The following ROBO1 variants were observed in gnomAD, a reference collection of about 807,000 sequenced individuals.
ROBO1 encodes the protein roundabout homolog 1.
A neutral mutation model predicts 195.9 loss-of-function variants in ROBO1; 149 were observed. The ratio of observed to expected loss-of-function variants is 0.76; its 90% CI spans 0.67 to 0.87. The LOEUF (loss-of-function observed/expected upper bound fraction) is 0.87, where lower values mean the gene tolerates loss of function less well. Among genes scored for constraint, ROBO1 ranks in the 40% least tolerant of loss-of-function variants. The pLI is 0.00. For missense variants in ROBO1, 1,933 were observed against 2,068.3 expected (o/e 0.93, Z 1.27); for synonymous variants, 816 against 733.2 (o/e 1.11, Z -1.82).
intron 2 of ROBO1, among the ~76,000 whole-genome samples, chr3:79,555,969 C>A (rs1942684309): frequency 6.6e-6 from 1 of 152,060 alleles, no homozygotes; most frequent in South Asian, 2.1e-4. Context: ...TGTGTTGAAG[C>A]AGATCTAAAT....
rs1217180900 is a variant in ROBO1 at position 78,629,723 on chromosome 3, A to G, written c.3626+1438T>C. ...TTCGTTTTCATTACTTGCAGATTCC[A>G]TATCTGCAAATTCGCTGACTTGGTG... On this transcript the variant is annotated intron_variant, in intron 25 of 30. Coordinates refer to ENST00000464233, the MANE Select transcript of ROBO1 (RefSeq NM_002941.4). Among the ~76,000 whole-genome samples the G allele has an allele frequency of 2.0e-5, 3 of 152,186 alleles. No homozygotes were observed. The East Asian group carries it at 5.8e-4, about 29-fold the overall frequency.
At chr3:78,750,233 C>G (rs1334492823) in intron 4 of ROBO1, among the ~76,000 whole-genome samples, 1 of 151,918 alleles carries the variant, frequency 6.6e-6, no homozygotes, top group African/African-American at 2.4e-5. Context: ...GCAGGCAGAT[C>G]ACGAGGTCAG....
intron 6 of ROBO1, 120 bp downstream of exon 6, chr3:78,717,643 T>C (rs964755771): frequency 2.1e-5 from 25 of 1,173,622 alleles, no homozygotes; most frequent in Non-Finnish European, 2.8e-5. Context: ...TCTTCTCTCC[T>C]CTTTCTACCC....
At chr3:79,603,731 G>T (rs554618865) in intron 1 of ROBO1, among the ~76,000 whole-genome samples, 53 of 151,962 alleles carry the variant, frequency 3.5e-4, no homozygotes, top group Non-Finnish European at 7.5e-4. Context: ...AAATTTTAGA[G>T]ATCTGGAGGG....
intron 29 of ROBO1, among the ~76,000 whole-genome samples, chr3:78,602,224 G>C (rs1559631871): frequency 6.6e-6 from 1 of 152,126 alleles, no homozygotes; most frequent in African/African-American, 2.4e-5. Flanking sequence ...CTTGATGATA[G>C]GTGAGCTCTT....
chr3:79,047,599 C>A (rs1007915230), intron 3 of ROBO1, among the ~76,000 whole-genome samples: 4 of 152,040 alleles, frequency 2.6e-5, no homozygotes, highest in Non-Finnish European at 5.9e-5. Context: ...ATAATAAGTG[C>A]TTATTGTTTT....
At chr3:79,406,508 CT>C (rs2037555910) in intron 2 of ROBO1, among the ~76,000 whole-genome samples, 1 of 151,944 alleles carries the variant, frequency 6.6e-6, no homozygotes, top group Non-Finnish European at 1.5e-5. Context: ...GGAGGGATTT[CT>C]TTCCCCCAAA....
intron 3 of ROBO1, among the ~76,000 whole-genome samples, chr3:78,952,247 C>A (rs2040829429): frequency 6.6e-6 from 1 of 150,932 alleles, no homozygotes; most frequent in East Asian, 1.9e-4. Context: ...CTGTTAAAAG[C>A]AGAAGAGGAA....
At chr3:79,697,673 T>A (rs1947487736) in intron 1 of ROBO1, among the ~76,000 whole-genome samples, 1 of 151,478 alleles carries the variant, frequency 6.6e-6, no homozygotes, top group Non-Finnish European at 1.5e-5. Flanking sequence ...TAATAATAAT[T>A]TTTAAAGTTC....
At chr3:79,385,549 C>T (rs980242595) in intron 2 of ROBO1, among the ~76,000 whole-genome samples, 1 of 152,072 alleles carries the variant, frequency 6.6e-6, no homozygotes, top group African/African-American at 2.4e-5. Context: ...CTAAAGGCGA[C>T]ATAAAGCTTG....
intron 4 of ROBO1, among the ~76,000 whole-genome samples, chr3:78,905,106 G>A (rs2037823792): frequency 6.6e-6 from 1 of 151,986 alleles, no homozygotes; most frequent in Non-Finnish European, 1.5e-5. Context: ...GATGCTGCAG[G>A]AATAATATAG....
intron 1 of ROBO1, among the ~76,000 whole-genome samples, chr3:79,760,988 A>G (rs1704668926): frequency 6.6e-6 from 1 of 150,640 alleles, no homozygotes; most frequent in Admixed American, 6.6e-5. Context: ...TAGTAAGAAA[A>G]ATACCTATAA....
chr3:79,048,884 C>T (rs964126885), intron 3 of ROBO1, among the ~76,000 whole-genome samples: 10 of 152,102 alleles, frequency 6.6e-5, no homozygotes, highest in Admixed American at 2.6e-4. Flanking sequence ...ACCAAAACCC[C>T]ATCTGTAGGT....
intron 3 of ROBO1, among the ~76,000 whole-genome samples, chr3:79,005,159 G>C (rs1387577678): frequency 1.3e-5 from 2 of 152,138 alleles, no homozygotes; most frequent in African/African-American, 4.8e-5. Flanking sequence ...TGTTGGTGAC[G>C]GTTTCCAGCT....
At chr3:79,464,831 C>G (rs1937867371) in intron 2 of ROBO1, among the ~76,000 whole-genome samples, 1 of 152,122 alleles carries the variant, frequency 6.6e-6, no homozygotes, top group Non-Finnish European at 1.5e-5. Context: ...AAATTTTACA[C>G]AAGCGGGCAT....
intron 3 of ROBO1, among the ~76,000 whole-genome samples, chr3:79,107,256 T>C (rs540687761): frequency 4.3e-4 from 65 of 151,612 alleles, no homozygotes; most frequent in African/African-American, 1.5e-3. Flanking sequence ...GCAAAGAGTG[T>C]TCAGGTAATT....
chr3:79,496,399 C>A (rs1159313118), intron 2 of ROBO1, among the ~76,000 whole-genome samples: 1 of 27,350 alleles, frequency 3.7e-5, no homozygotes, highest in African/African-American at 3.8e-4. Context: ...TTTTTTGAGA[C>A]GGAGTCTCGC....
At chr3:79,474,094 T>C (rs995102512) in intron 2 of ROBO1, among the ~76,000 whole-genome samples, 3 of 152,100 alleles carry the variant, frequency 2.0e-5, no homozygotes, top group African/African-American at 7.2e-5. Flanking sequence ...TTCAAGCTTC[T>C]CTAGTTGCAG....
chr3:79,323,239 G>A (rs1383642357), intron 2 of ROBO1, among the ~76,000 whole-genome samples: 3 of 151,926 alleles, frequency 2.0e-5, no homozygotes, highest in Non-Finnish European at 2.9e-5. Context: ...ATGCCACCAC[G>A]TCTGGCTAAT....
Sources: gnomAD v4.1 joint callset for allele counts (sites outside exome capture counted in the v4.1 genomes callset) on GRCh38, gnomAD v4.1.1 for gene constraint, MANE v1.5 for transcripts, NCBI Gene and HGNC (gene_info 2026-07-23, HGNC 2026-07-21) for gene names.